KCNK2: variants seen among roughly 807,000 people sequenced by gnomAD.
KCNK2 encodes the protein potassium two pore domain channel subfamily K member 2, also known as potassium channel subfamily K member 2.
A neutral mutation model predicts 40.5 loss-of-function variants in KCNK2; 21 were observed. The observed-to-expected ratio is 0.52, with a 90% confidence interval of 0.37 to 0.75. KCNK2 has a LOEUF of 0.75. Among genes scored for constraint, KCNK2 ranks in the 30% least tolerant of loss-of-function variants. The probability of loss-of-function intolerance (pLI) is 0.00; values close to 1 mark genes in which losing one functional copy is unlikely to be tolerated. For synonymous variants in KCNK2, 191 were observed against 202.2 expected (o/e 0.94, Z 0.47); for missense variants, 399 against 531.6 (o/e 0.75, Z 2.45).
At position 215,185,664 on chromosome 1, in the gene KCNK2, T is replaced by A. The variant is rs557808338; in HGVS notation, c.824-9289T>A. ...TTGCTATTAGATGTCCTAAAGACAG[T>A]GTTCTCGCTTAATTTTGCTATTTTG... is the stretch of plus-strand genomic sequence containing the variant. On this transcript the variant is annotated intron_variant, in intron 5 of 6. Transcript: ENST00000444842. Among the ~76,000 whole-genome samples, 5 of 152,324 alleles carry A rather than the reference T, an allele frequency of 3.3e-5. No individual in the cohort carries two copies. The South Asian group carries it at 1.0e-3, about 32-fold the overall frequency.
intron 5 of KCNK2, among the ~76,000 whole-genome samples, chr1:215,177,746 T>A (rs1291387878): frequency 8.6e-6 from 1 of 116,564 alleles, no homozygotes; most frequent in Non-Finnish European, 2.0e-5. Flanking sequence ...ATATATTTTT[T>A]TTTTTTGTAG....
rs1179342647 is a variant in KCNK2, at chr1:215,083,149, C to A, written c.-237C>A. 4 of 885,060 alleles carry A rather than the reference C, an allele frequency of 4.5e-6. No individual in the cohort carries two copies. The highest frequency in any genetic ancestry group is 7.0e-6 in the Non-Finnish European group (4 of 568,878). The allele number at this position is 885,060 out of a possible 1,614,324, so 54.8% of individuals were successfully genotyped here. A position where few individuals can be genotyped will look rare whatever the true frequency, so the allele number is the denominator to read the frequency against. ...GGCCTCCGCCTCGCCCTCTGCCCAG[C>A]CCGCCGGTGTCCCCTCCTTCCCGCG... On this transcript the variant is annotated 5_prime_UTR_variant, in exon 1 of 7. Coordinates refer to ENST00000444842, the MANE Select transcript of KCNK2 (RefSeq NM_001017425.3).
intron 1 of KCNK2, among the ~76,000 whole-genome samples, chr1:215,012,810 G>A (rs6691229): frequency 0.069 from 10,399 of 151,756 alleles, 398 homozygotes; most frequent in Middle Eastern, 0.14. Flanking sequence ...TGATTATCAG[G>A]TATTTTCATT....
rs1346524192 is a variant in KCNK2, at chr1:215,007,031, A to ATGTGTGTGTGTG, written c.34+1077_34+1078insGTGTGTGTGTGT. 1.4e-4 allele frequency among the ~76,000 whole-genome samples: 11 copies of ATGTGTGTGTGTG among 79,308 alleles called. No homozygotes were observed. In the South Asian group the frequency reaches 2.5e-3, roughly 18 times the overall value. 52.0% of individuals were successfully genotyped at this position (79,308 alleles called of 152,430 possible). The stretch of plus-strand genomic sequence containing the variant: ...TATATATATATATATATATATATAT[A>ATGTGTGTGTGTG]TATATATGTGTGTGTGTGTATATAT... On this transcript the variant is annotated intron_variant, in intron 1 of 6. Coordinates refer to the KCNK2 transcript ENST00000391895.
At chr1:215,018,644 G>T (rs1571849840) in intron 1 of KCNK2, among the ~76,000 whole-genome samples, 5 of 152,290 alleles carry the variant, frequency 3.3e-5, no homozygotes, top group South Asian at 2.1e-4. Context: ...GAAGATGGAA[G>T]AATTCAGTCC....
At chr1:215,050,131 A>G (rs1657931583) in intron 1 of KCNK2, among the ~76,000 whole-genome samples, 1 of 152,108 alleles carries the variant, frequency 6.6e-6, no homozygotes, top group Admixed American at 6.6e-5. Context: ...CTTCTAACCC[A>G]TGAAATTCTA....
intron 3 of KCNK2, among the ~76,000 whole-genome samples, chr1:215,155,056 A>C (rs1297056264): frequency 6.6e-6 from 1 of 151,992 alleles, no homozygotes; most frequent in African/African-American, 2.4e-5. Context: ...CTTTTTTCAT[A>C]ATATTTTACA....
chr1:215,164,410 T>C (rs1362199543), intron 3 of KCNK2, among the ~76,000 whole-genome samples: 1 of 152,176 alleles, frequency 6.6e-6, no homozygotes, highest in African/African-American at 2.4e-5. Context: ...TGTGTCTCTA[T>C]CTCCCTCAGT....
chr1:215,133,356 A>G (rs571719043), intron 3 of KCNK2, among the ~76,000 whole-genome samples: 28 of 152,302 alleles, frequency 1.8e-4, no homozygotes, highest in African/African-American at 6.3e-4. Flanking sequence ...TAAATACAGA[A>G]CCTATTTTTT....
At chr1:215,170,992 T>C (rs971129198) in intron 4 of KCNK2, among the ~76,000 whole-genome samples, 13 of 152,172 alleles carry the variant, frequency 8.5e-5, no homozygotes, top group Non-Finnish European at 1.8e-4. Context: ...CATTTAACTC[T>C]CACAGGTAAG....
chr1:215,204,870 T>C (rs1362906196), intron 6 of KCNK2, among the ~76,000 whole-genome samples: 1 of 152,190 alleles, frequency 6.6e-6, no homozygotes, highest in Non-Finnish European at 1.5e-5. Flanking sequence ...CAACAAAGTA[T>C]GATGATTTGT....
chr1:215,024,150 G>A (rs998564777), intron 1 of KCNK2, among the ~76,000 whole-genome samples: 1 of 152,184 alleles, frequency 6.6e-6, no homozygotes, highest in Admixed American at 6.5e-5. Flanking sequence ...TGGAGCAAGT[G>A]CTTCTGCACT....
At chr1:215,086,315 C>T (rs1571895062) in intron 1 of KCNK2, 53 bp from the exon 2 acceptor site, 1 of 1,440,210 alleles carries the variant, frequency 6.9e-7, no homozygotes, top group East Asian at 2.3e-5. Context: ...AGAAGCCCGA[C>T]CAATTCCCTT....
intron 3 of KCNK2, among the ~76,000 whole-genome samples, chr1:215,154,942 C>G (rs1176625396): frequency 2.6e-5 from 4 of 152,112 alleles, no homozygotes; most frequent in Non-Finnish European, 5.9e-5. Flanking sequence ...GCCTGTATGT[C>G]TGTTTTGGTA....
chr1:215,120,087 C>G (rs1184345131), intron 2 of KCNK2, among the ~76,000 whole-genome samples: 1 of 152,152 alleles, frequency 6.6e-6, no homozygotes, highest in Admixed American at 6.5e-5. Context: ...TCTCAAACCT[C>G]TGTTTCAATA....
chr1:215,099,628 T>TA (rs1307851067), intron 2 of KCNK2, among the ~76,000 whole-genome samples: 2 of 151,974 alleles, frequency 1.3e-5, no homozygotes, highest in Admixed American at 6.6e-5. Context: ...AAATAAGTGG[T>TA]ACATGTCAGG....
intron 3 of KCNK2, among the ~76,000 whole-genome samples, chr1:215,160,736 G>T (rs2363565): frequency 0.57 from 86,828 of 151,882 alleles, 26,611 homozygotes; most frequent in Non-Finnish European, 0.68. Context: ...TTAAGTGTTG[G>T]TGTTTTTTGG....
intron 1 of KCNK2, among the ~76,000 whole-genome samples, chr1:215,075,342 A>T (rs1214614288): frequency 1.3e-5 from 2 of 152,198 alleles, no homozygotes; most frequent in African/African-American, 2.4e-5. Flanking sequence ...TGAATTTTGT[A>T]AAGTTTTATG....
At chr1:215,041,924 G>T (rs546435780) in intron 1 of KCNK2, among the ~76,000 whole-genome samples, 1 of 152,160 alleles carries the variant, frequency 6.6e-6, no homozygotes, top group African/African-American at 2.4e-5. Context: ...ACATGGCCAG[G>T]AAGCCCTCAC....
Sources: allele counts gnomAD v4.1 joint callset (sites outside exome capture counted in the v4.1 genomes callset), GRCh38; gene constraint gnomAD v4.1.1; transcripts MANE v1.5; gene names NCBI Gene and HGNC (gene_info 2026-07-23, HGNC 2026-07-21).